RNLS: variants seen among roughly 807,000 people sequenced by gnomAD.
The protein encoded by RNLS is renalase.
Under a neutral mutation model 39.8 loss-of-function variants are expected in RNLS, and 39 were observed. That is an observed-to-expected ratio of 0.98 (90% CI 0.76 to 1.28). RNLS has a LOEUF of 1.28. Ranked by LOEUF, RNLS falls within the 50% of genes most tolerant of loss-of-function variation. The probability of loss-of-function intolerance (pLI) is 0.00; values close to 1 mark genes in which losing one functional copy is unlikely to be tolerated. For synonymous variants in RNLS, 147 were observed against 150.7 expected, an observed-to-expected ratio of 0.98 and a Z score of 0.18; for missense variants, 410 against 413.3, an observed-to-expected ratio of 0.99 and a Z score of 0.07.
intron 4 of RNLS, among the ~76,000 whole-genome samples, chr10:88,521,666 A>C (rs531521860): frequency 6.6e-5 from 10 of 152,212 alleles, no homozygotes; most frequent in African/African-American, 2.4e-4. Context: ...TTAGGACAAA[A>C]CACATTTCAG....
intron 4 of RNLS, among the ~76,000 whole-genome samples, chr10:88,382,101 T>C (rs1315826147): frequency 6.6e-6 from 1 of 152,112 alleles, no homozygotes; most frequent in Non-Finnish European, 1.5e-5. Context: ...TGCTGCTGGG[T>C]ACACTACAAA....
At chr10:88,552,944 A>G (rs566979065) in intron 4 of RNLS, among the ~76,000 whole-genome samples, 27 of 152,350 alleles carry the variant, frequency 1.8e-4, no homozygotes, top group African/African-American at 6.5e-4. Flanking sequence ...GTGCAACTAC[A>G]TTTATACAAA....
At chr10:88,509,903 C>T (rs929165863) in intron 4 of RNLS, among the ~76,000 whole-genome samples, 1 of 152,156 alleles carries the variant, frequency 6.6e-6, no homozygotes, top group African/African-American at 2.4e-5. Flanking sequence ...CTGCCTGGAA[C>T]AATATAGGAC....
At chr10:88,273,621 TAAC>T (rs1387553370), downstream of RNLS, among the ~76,000 whole-genome samples, 1 of 152,226 alleles carries the variant, frequency 6.6e-6, no homozygotes, top group Non-Finnish European at 1.5e-5. Flanking sequence ...TCCACTATCA[TAAC>T]TAATGCTTAA....
intron 4 of RNLS, among the ~76,000 whole-genome samples, chr10:88,503,616 A>G (rs941829880): frequency 1.2e-4 from 18 of 152,206 alleles, no homozygotes; most frequent in African/African-American, 4.3e-4. Flanking sequence ...TAGGACTCCA[A>G]TGAGATAATA....
intron 4 of RNLS, among the ~76,000 whole-genome samples, chr10:88,466,152 G>A (rs1411131803): frequency 1.3e-5 from 2 of 152,104 alleles, no homozygotes; most frequent in Non-Finnish European, 2.9e-5. Context: ...ATTGTGGGAA[G>A]TCTGATTGTC....
intron 4 of RNLS, among the ~76,000 whole-genome samples, chr10:88,366,740 C>T (rs989194405): frequency 2.2e-4 from 33 of 146,692 alleles, no homozygotes; most frequent in African/African-American, 5.8e-4. Context: ...CTGAGCTGAG[C>T]GGGCATAATA....
At chr10:88,188,795 G>T in the RNLS span, among the ~76,000 whole-genome samples, 1 of 152,120 alleles carries the variant, frequency 6.6e-6, no homozygotes, top group African/African-American at 2.4e-5. Context: ...AAGAACAGGA[G>T]AATATTTTAG....
intron 5 of RNLS, among the ~76,000 whole-genome samples, chr10:88,338,117 T>G (rs1589589520): frequency 1.3e-5 from 2 of 152,226 alleles, no homozygotes; most frequent in Non-Finnish European, 2.9e-5. Flanking sequence ...TAAAAATCAG[T>G]TGGCAGTGAT....
the RNLS span, among the ~76,000 whole-genome samples, chr10:88,256,816 T>C: frequency 2.0e-5 from 3 of 152,210 alleles, no homozygotes; most frequent in Admixed American, 1.3e-4. Context: ...TATTCAAACG[T>C]CAACCATTCT....
intron 4 of RNLS, among the ~76,000 whole-genome samples, chr10:88,375,664 A>G (rs1738924692): frequency 6.6e-6 from 1 of 152,170 alleles, no homozygotes; most frequent in Non-Finnish European, 1.5e-5. Flanking sequence ...ATTTAGAAAC[A>G]ATTTCACTGT....
intron 4 of RNLS, among the ~76,000 whole-genome samples, chr10:88,515,348 A>G (rs1168440097): frequency 6.6e-6 from 1 of 151,738 alleles, no homozygotes; most frequent in Non-Finnish European, 1.5e-5. Flanking sequence ...CTTCACTTAA[A>G]CTCTACTGAA....
chr10:88,580,212 A>G (rs1449607685), intron 3 of RNLS, among the ~76,000 whole-genome samples: 4 of 152,170 alleles, frequency 2.6e-5, no homozygotes, highest in African/African-American at 9.7e-5. Context: ...ATCCATACTC[A>G]CATATACACA....
intron 6 of RNLS, among the ~76,000 whole-genome samples, chr10:88,289,539 A>G (rs192298691): frequency 6.6e-6 from 1 of 152,128 alleles, no homozygotes; most frequent in African/African-American, 2.4e-5. Context: ...TCAGCATGTT[A>G]TTTCTATCTA....
intron 4 of RNLS, among the ~76,000 whole-genome samples, chr10:88,524,863 A>G (rs1159856069): frequency 1.3e-5 from 2 of 149,330 alleles, no homozygotes; most frequent in African/African-American, 4.9e-5. Flanking sequence ...CCAAAATAAA[A>G]TCACGCTTCA....
intron 6 of RNLS, chr10:88,275,150 G>T: frequency 1.3e-6 from 1 of 758,108 alleles, no homozygotes; most frequent in Non-Finnish European, 2.2e-6. Context: ...ACCTGGAATG[G>T]GGAGGGTTCT....
intron 4 of RNLS, among the ~76,000 whole-genome samples, chr10:88,550,679 T>C (rs1848565675): frequency 6.6e-6 from 1 of 152,230 alleles, no homozygotes; most frequent in African/African-American, 2.4e-5. Flanking sequence ...CAATAAAATA[T>C]TTCTCTCTCA....
the RNLS span, among the ~76,000 whole-genome samples, chr10:88,172,841 TG>T: frequency 3.3e-5 from 4 of 119,508 alleles, no homozygotes; most frequent in African/African-American, 1.0e-4. Flanking sequence ...CATTTTGAGT[TG>T]TTTTTTTTTT....
intron 4 of RNLS, among the ~76,000 whole-genome samples, chr10:88,462,709 G>T (rs1842993592): frequency 6.6e-6 from 1 of 151,966 alleles, no homozygotes; most frequent in South Asian, 2.1e-4. Flanking sequence ...CCTGCCTGTG[G>T]GGAATTAGAG....
Sources: gnomAD v4.1 joint callset for allele counts (sites outside exome capture counted in the v4.1 genomes callset) on GRCh38, gnomAD v4.1.1 for gene constraint, MANE v1.5 for transcripts, NCBI Gene and HGNC (gene_info 2026-07-23, HGNC 2026-07-21) for gene names.